KRT75: variants seen among roughly 807,000 people sequenced by gnomAD.
KRT75 encodes keratin 75, also known as keratin, type II cytoskeletal 75.
Under a neutral mutation model 48.8 loss-of-function variants are expected in KRT75, and 35 were observed. The ratio of observed to expected loss-of-function variants is 0.72; its 90% confidence interval spans 0.55 to 0.95. The LOEUF is 0.95. Ranked by LOEUF, KRT75 falls within the 40% of genes least tolerant of loss-of-function variation. The pLI, the probability that KRT75 is intolerant of heterozygous loss-of-function variation, is 0.00. For missense variants in KRT75, 776 were observed against 709.9 expected, an observed-to-expected ratio of 1.09 and a Z score of -1.06; for synonymous variants, 301 against 282.3, an observed-to-expected ratio of 1.07 and a Z score of -0.66.
At chr12:52,430,845 T>C (rs1456613890) in intron 4 of KRT75, 140 bp from the exon 5 acceptor site, 2 of 956,162 alleles carry the variant, frequency 2.1e-6, no homozygotes, top group African/African-American at 3.2e-5. Context: ...GGTATTCCCA[T>C]TCATCCCAAA....
chr12:52,432,314 T>A (rs566859925), intron 2 of KRT75, among the ~76,000 whole-genome samples: 69 of 152,338 alleles, frequency 4.5e-4, no homozygotes, highest in Middle Eastern at 3.4e-3. Context: ...TACAAAAATA[T>A]ACTTATGCAA....
intron 7 of KRT75, 136 bp downstream of exon 7, chr12:52,428,120 T>C (rs1940095776): frequency 9.3e-7 from 1 of 1,078,524 alleles, no homozygotes. Context: ...AATTATTTTT[T>C]TGCCATAGCC....
chr12:52,424,416 C>G lies in KRT75; in HGVS notation c.*101G>C, dbSNP rs544405812. The G allele has an allele frequency of 9.0e-7, 1 of 1,107,322 alleles. No individual in the cohort carries two copies. The highest frequency in any genetic ancestry group is 1.2e-5 in the South Asian group (1 of 80,534). 68.6% of individuals were successfully genotyped at this position (1,107,322 alleles called of 1,614,324 possible). On this transcript the variant is annotated 3_prime_UTR_variant, in exon 9 of 9. Coordinates refer to ENST00000252245, the MANE Select transcript of KRT75 (RefSeq NM_004693.3). ...CCAGTACTCCAGGCTCCCAGCAGCA[C>G]AGGTGCACCTTACAAGGAGAGAGGA...
In KRT75 at chr12:52,434,163, C is replaced by T. The variant is rs373749966; in HGVS notation, c.142G>A (p.Gly48Arg). 1.2e-6 allele frequency: 2 copies of T among 1,613,428 alleles called. No homozygotes were observed. The highest frequency in any genetic ancestry group is 2.2e-5 in the South Asian group (2 of 91,024). ...CTGGCCCCAGCACTGCTGATCCTTC[C>T]CAGGCCCCCACTCCCTGCTGCAGAG... ...ARSAAGSGGL[G>R]RISSAGASFG... Residue 48 changes from glycine (G) to arginine (R), a missense_variant, in exon 1 of 9, where the codon GGA (glycine) becomes AGA (arginine). Coordinates refer to ENST00000252245, the MANE Select transcript of KRT75 (RefSeq NM_004693.3).
rs1206714081 is a variant in KRT75 at position 52,428,370 on chromosome 12, G to T, written c.1268C>A (p.Ala423Asp). ...LVDLEEALQK[A>D]KQDMARLLRE... ...CAGGAGCCGAGCCATGTCCTGCTTG[G>T]CCTTCTGCAGGGCCTCCTCAAGGTC... Residue 423 changes from alanine (A) to aspartate (D), a missense_variant, in exon 7 of 9, where the codon GCC becomes GAC. Coordinates refer to ENST00000252245, the MANE Select transcript of KRT75 (RefSeq NM_004693.3). The T allele has an allele frequency of 6.2e-7, 1 of 1,614,022 alleles. No homozygotes were observed. Among genetic ancestry groups the T allele is most frequent in the Non-Finnish European group, 8.5e-7 (1 of 1,180,030 alleles).
intron 2 of KRT75, 77 bp downstream of exon 2, chr12:52,432,961 C>T (rs1940165085): frequency 6.9e-7 from 1 of 1,451,408 alleles, no homozygotes; most frequent in South Asian, 1.1e-5. Context: ...GGCATTTGCT[C>T]CTTTGCACCT....
chr12:52,434,056 G>T lies in KRT75; in HGVS notation c.249C>A (p.Gly83=). The change falls in exon 1 of 9, where the codon GGC becomes GGA. Residue 83 remains glycine, a synonymous_variant. Coordinates refer to ENST00000252245, the MANE Select transcript of KRT75 (RefSeq NM_004693.3). ...ACCTGTTGCTGGCCCTGCCACCAAA[G>T]CCACTTCGGCAGCTGCTGCCACACC... ...INGCGSSCRS[G]FGGRASNRFG... 1 of 1,614,148 alleles carries T rather than the reference G, an allele frequency of 6.2e-7. No homozygotes were observed. Among genetic ancestry groups the T allele is most frequent in the Non-Finnish European group, 8.5e-7 (1 of 1,180,016 alleles).
At chr12:52,427,194 G>T (rs1940085561) in intron 7 of KRT75, among the ~76,000 whole-genome samples, 1 of 152,214 alleles carries the variant, frequency 6.6e-6, no homozygotes, top group Admixed American at 6.5e-5. Flanking sequence ...AATAAGATTT[G>T]TCTCTCAACA....
At position 52,433,228 on chromosome 12, in the gene KRT75, TG is replaced by T. The variant is rs1173787298; in HGVS notation, c.522del (p.Asn174LysfsTer19). The T allele has an allele frequency of 1.2e-6, 2 of 1,614,022 alleles. No individual in the cohort carries two copies. Among genetic ancestry groups the T allele is most frequent in the Non-Finnish European group, 1.7e-6 (2 of 1,179,994 alleles). On this transcript the variant is annotated frameshift_variant, in exon 2 of 9. Coordinates refer to ENST00000252245, the MANE Select transcript of KRT75 (RefSeq NM_004693.3). LOFTEE classifies it high-confidence loss of function. Reference protein sequence around the residue: ...IDKVRFLEQQNKVLETKWALL... With the variant: ...IDKVRFLEQQXKVLETKWALL... ...AGGGCCCACTTGGTCTCCAGGACCT[TG>T]TTCTGCTGCTCCAAGAACCTCACCT...
chr12:52,428,512 C>A (rs1303737540), intron 6 of KRT75, 36 bp from the exon 7 acceptor site: 2 of 1,612,292 alleles, frequency 1.2e-6, no homozygotes. Flanking sequence ...GTCCTGCTGA[C>A]AGCCCATGGA....
intron 7 of KRT75, 195 bp downstream of exon 7, chr12:52,428,061 C>T (rs1940095261): frequency 1.4e-6 from 1 of 697,576 alleles, no homozygotes; most frequent in Non-Finnish European, 2.4e-6. Context: ...TATGGGGATG[C>T]TAACTGTAGT....
At chr12:52,432,171 C>T in intron 2 of KRT75, 105 bp from the exon 3 acceptor site, 1 of 1,085,488 alleles carries the variant, frequency 9.2e-7, no homozygotes, top group Non-Finnish European at 1.4e-6. Context: ...TCCAGCTCTT[C>T]TGCTGACCTG....
At chr12:52,427,854 G>T (rs888813263) in intron 7 of KRT75, among the ~76,000 whole-genome samples, 2 of 152,166 alleles carry the variant, frequency 1.3e-5, no homozygotes, top group African/African-American at 4.8e-5. Flanking sequence ...TATCATTGAA[G>T]AAATTGAGGG....
chr12:52,433,341 T>A, intron 1 of KRT75, 89 bp from the exon 2 acceptor site: 4 of 1,146,238 alleles, frequency 3.5e-6, no homozygotes, highest in Non-Finnish European at 3.9e-6. Context: ...GAAAAAGATA[T>A]TTTTTTCACT....
In KRT75 at chr12:52,433,391, C is replaced by T. The variant is rs1403988941; in HGVS notation, c.499-139G>A. 3.8e-6 allele frequency: 3 copies of T among 791,254 alleles called. No homozygotes were observed. In the African/African-American group the frequency reaches 5.2e-5, roughly 14 times the overall value. The allele number at this position is 791,254 out of a possible 1,614,324, so 49.0% of individuals were successfully genotyped here. A position where few individuals can be genotyped will look rare whatever the true frequency, so the allele number is the denominator to read the frequency against. On this transcript the variant is annotated intron_variant, in intron 1 of 8. Coordinates refer to ENST00000252245, the MANE Select transcript of KRT75 (RefSeq NM_004693.3). ...AATAATGTAACTGACAACTCCAACC[C>T]AAAAGGAGGCAGTCCATGGAGCTAC...
rs143021451 is a variant in KRT75 at position 52,432,618 on chromosome 12, C to G, written c.713+420G>C. 6.5e-4 allele frequency among the ~76,000 whole-genome samples: 99 copies of G among 152,302 alleles called. 1 individual carries two copies. The highest frequency in any genetic ancestry group is 2.2e-3 in the African/African-American group (93 of 41,556). On this transcript the variant is annotated intron_variant, in intron 2 of 8. Transcript: ENST00000252245. ...ATGTGCAGTCAAAAGTTTCCCCCCA[C>G]AAGAAAAGTCAGATTGCCCTCCTTT...
rs752004174 is a variant in KRT75, at chr12:52,434,104, A to G, written c.201T>C (p.Gly67=). The G allele has an allele frequency of 1.2e-6, 2 of 1,613,662 alleles. No homozygotes were observed. Among genetic ancestry groups the G allele is most frequent in the African/African-American group, 1.3e-5 (1 of 74,768 alleles). The change falls in exon 1 of 9, where the codon GGT becomes GGC. Residue 67 remains glycine (G), a synonymous_variant. Coordinates refer to ENST00000252245, the MANE Select transcript of KRT75 (RefSeq NM_004693.3). ...ACCCATTGATGGAGACCCGCTTGGC[A>G]CCCCCCAGGTTGTAGAGGCTGCGGC... ...FGSRSLYNLG[G]AKRVSINGCG...
chr12:52,425,767 C>T (rs149090264), intron 8 of KRT75, among the ~76,000 whole-genome samples: 1 of 152,352 alleles, frequency 6.6e-6, no homozygotes, highest in African/African-American at 2.4e-5. Flanking sequence ...CTGGTCCAGG[C>T]TCCAAGTTTC....
rs1399547653 is a variant in KRT75, at chr12:52,424,657, T to C, written c.1516A>G (p.Thr506Ala). Residue 506 changes from threonine to alanine, a missense_variant, in exon 9 of 9, where the codon ACC becomes GCC. Coordinates refer to ENST00000252245, the MANE Select transcript of KRT75 (RefSeq NM_004693.3). ...LGGGSGYSFTTSGGHSLGAGL... is the reference protein window; with the variant it reads ...LGGGSGYSFTASGGHSLGAGL... ...GCACCCAGGCTATGCCCACCACTGG[T>C]GGTGAAGGAGTAGCCGCTGCCCCCA... 1 of 1,613,964 alleles carries C rather than the reference T, an allele frequency of 6.2e-7. No homozygotes were observed. Among genetic ancestry groups the C allele is most frequent in the Non-Finnish European group, 8.5e-7 (1 of 1,179,936 alleles).
Sources: gnomAD v4.1 joint callset for allele counts (sites outside exome capture counted in the v4.1 genomes callset) on GRCh38, gnomAD v4.1.1 for gene constraint, MANE v1.5 for transcripts, NCBI Gene and HGNC (gene_info 2026-07-23, HGNC 2026-07-21) for gene names.